Variants in SERP1 observed in about 807,000 individuals in gnomAD.
The protein encoded by SERP1 is stress-associated endoplasmic reticulum protein 1.
A neutral mutation model predicts 8.8 loss-of-function variants in SERP1; 6 were observed. The observed-to-expected ratio is 0.68, with a 90% CI of 0.37 to 1.35. The LOEUF (loss-of-function observed/expected upper bound fraction) is 1.35, where lower values mean the gene tolerates loss of function less well. Ranked by LOEUF, SERP1 falls within the 40% of genes most tolerant of loss-of-function variation. The pLI is 0.02. For synonymous variants in SERP1, 36 were observed against 28.7 expected (o/e 1.25, Z -0.81); for missense variants, 52 against 86.2 (o/e 0.60, Z 1.57).
rs1722926438 is a variant in SERP1, at chr3:150,543,862, G to C, written c.*596C>G. The C allele has an allele frequency of 6.6e-6, 1 of 152,014 alleles. No homozygotes were observed. The highest frequency in any genetic ancestry group is 1.5e-5 in the Non-Finnish European group (1 of 67,996). The allele number at this position is 152,014 out of a possible 1,614,324, so 9.4% of individuals were successfully genotyped here. A position where few individuals can be genotyped will look rare whatever the true frequency, so the allele number is the denominator to read the frequency against. ...ACAATATTGGTAAAATAGATGTTGT[G>C]GCTATAAGCATCTCCCTTTATATTA... On this transcript the variant is annotated 3_prime_UTR_variant, in exon 3 of 3. Coordinates refer to ENST00000239944, the MANE Select transcript of SERP1 (RefSeq NM_014445.4).
rs556163939 is a variant in SERP1, at chr3:150,543,321, G to C, written c.*1137C>G. 1.3e-5 allele frequency: 2 copies of C among 152,488 alleles called. No individual in the cohort carries two copies. Among genetic ancestry groups the C allele is most frequent in the South Asian group, 4.1e-4 (2 of 4,824 alleles). The allele number at this position is 152,488 out of a possible 1,614,324, so 9.4% of individuals were successfully genotyped here. ...CCCTCACCCTTACCATTAGTAAAAC[G>C]TAAATTTGATCAATCATAACCTATA... On this transcript the variant is annotated 3_prime_UTR_variant, in exon 3 of 3. Transcript: ENST00000239944.
In SERP1 at chr3:150,545,804, C is replaced by G. The variant is rs747527747; in HGVS notation, c.85-26G>C. The G allele has an allele frequency of 6.3e-6, 10 of 1,588,806 alleles. No individual in the cohort carries two copies. The Admixed American group carries it at 1.8e-4, about 28-fold the overall frequency. On this transcript the variant is annotated intron_variant, in intron 1 of 2. Transcript: ENST00000239944. ...CTGCAAAAGCGAAAATCCACCATTTCAGATGCAGAGAAACCACTCGGACCC... is the reference window on the plus strand; with the variant it reads ...CTGCAAAAGCGAAAATCCACCATTTGAGATGCAGAGAAACCACTCGGACCC...
rs1722889499 is a variant in SERP1 at position 150,542,204 on chromosome 3, C to T, written c.*2254G>A. The T allele has an allele frequency of 6.6e-6, 1 of 152,200 alleles. No individual in the cohort carries two copies. The highest frequency in any genetic ancestry group is 6.5e-5 in the Admixed American group (1 of 15,284). The allele number at this position is 152,200 out of a possible 1,614,324, so 9.4% of individuals were successfully genotyped here. ...AATGTTGACAACCCCAATATTTATT[C>T]TCATACTGTGCTCAACATTAGATGA... On this transcript the variant is annotated 3_prime_UTR_variant, in exon 3 of 3. Coordinates refer to ENST00000239944, the MANE Select transcript of SERP1 (RefSeq NM_014445.4).
Position 150,546,145 on chromosome 3 carries a change from G to A in SERP1, c.-10C>T, listed in dbSNP as rs755050767. The A allele has an allele frequency of 3.1e-6, 5 of 1,612,092 alleles. No individual in the cohort carries two copies. Among genetic ancestry groups the A allele is most frequent in the African/African-American group, 1.3e-5 (1 of 74,920 alleles). ...TTTGCTTGGCGACCATCTTCGCGGC[G>A]CCACCACCTGCCCCGGCCACCCCTC... On this transcript the variant is annotated 5_prime_UTR_variant, in exon 1 of 3. Transcript: ENST00000239944.
Position 150,546,381 on chromosome 3 carries a change from G to A in SERP1, c.-246C>T. ...GTGCGCAGGAGGAAGAGAACTGGCC[G>A]CCGGGTCGTTCTCGCGCCGCCGTCG... On this transcript the variant is annotated 5_prime_UTR_variant, in exon 1 of 3. Coordinates refer to ENST00000239944, the MANE Select transcript of SERP1 (RefSeq NM_014445.4). 1.8e-6 allele frequency: 1 copy of A among 564,320 alleles called. No homozygotes were observed. The highest frequency in any genetic ancestry group is 3.1e-6 in the Non-Finnish European group (1 of 323,582). 35.0% of individuals were successfully genotyped at this position (564,320 alleles called of 1,614,324 possible).
In SERP1 at chr3:150,543,147, T is replaced by C. The variant is rs963937159; in HGVS notation, c.*1311A>G. On this transcript the variant is annotated 3_prime_UTR_variant, in exon 3 of 3. Coordinates refer to ENST00000239944, the MANE Select transcript of SERP1 (RefSeq NM_014445.4). ...TTTAAAAGAAATATCCTGAGGCAAT[T>C]AACAAAGCAAACACAAGCAGCTTTC... 1 of 152,590 alleles carries C rather than the reference T, an allele frequency of 6.6e-6. No homozygotes were observed. Among genetic ancestry groups the C allele is most frequent in the South Asian group, 2.1e-4 (1 of 4,832 alleles). 9.5% of individuals were successfully genotyped at this position (152,590 alleles called of 1,614,324 possible).
In SERP1 at chr3:150,544,086, G is replaced by T; in HGVS notation, c.*372C>A. On this transcript the variant is annotated 3_prime_UTR_variant, in exon 3 of 3. Coordinates refer to ENST00000239944, the MANE Select transcript of SERP1 (RefSeq NM_014445.4). The stretch of plus-strand genomic sequence containing the variant: ...CTTCAAATTGTAATTTAAGCTAACT[G>T]CAGTTATACATTTGGGTTAACAAAA... 1 of 187,288 alleles carries T rather than the reference G, an allele frequency of 5.3e-6. No individual in the cohort carries two copies. The highest frequency in any genetic ancestry group is 1.1e-5 in the Non-Finnish European group (1 of 90,742). The allele number at this position is 187,288 out of a possible 1,614,324, so 11.6% of individuals were successfully genotyped here.
At chr3:150,545,869 C>T (rs149995172) in intron 1 of SERP1, 91 bp from the exon 2 acceptor site, 2 of 1,401,918 alleles carry the variant, frequency 1.4e-6, no homozygotes, top group Non-Finnish European at 2.0e-6. Flanking sequence ...GGCCCCCTCA[C>T]CTCACAGGTC....
chr3:150,545,644 G>A (rs779056386), intron 2 of SERP1, 59 bp downstream of exon 2: 21 of 1,519,886 alleles, frequency 1.4e-5, no homozygotes, highest in South Asian at 1.3e-4. Flanking sequence ...CGGTCACCAC[G>A]TCATCCCAAA....
chr3:150,546,264 G>A lies in SERP1; in HGVS notation c.-129C>T. The A allele has an allele frequency of 1.9e-5, 19 of 1,019,130 alleles. No homozygotes were observed. Among genetic ancestry groups the A allele is most frequent in the South Asian group, 7.6e-5 (5 of 65,954 alleles). 63.1% of individuals were successfully genotyped at this position (1,019,130 alleles called of 1,614,324 possible). ...GAGCGCCGAGGTTCTCAGGCCAGAC[G>A]CTAGCTACGGCCGCTGGGCCTGGGC... is the stretch of plus-strand genomic sequence containing the variant. On this transcript the variant is annotated 5_prime_UTR_variant, in exon 1 of 3. Transcript: ENST00000239944.
chr3:150,545,636 G>A lies in SERP1; in HGVS notation c.160+67C>T, dbSNP rs527692747. On this transcript the variant is annotated intron_variant, in intron 2 of 2. Transcript: ENST00000239944. ...CGCAGGTAGGACTCACTACTGACCG[G>A]TCACCACGTCATCCCAAATCCTTTC... 4 of 1,478,198 alleles carry A rather than the reference G, an allele frequency of 2.7e-6. No homozygotes were observed. The South Asian group carries it at 3.6e-5, about 13-fold the overall frequency. 91.6% of individuals were successfully genotyped at this position (1,478,198 alleles called of 1,614,324 possible).
chr3:150,546,012 C>T (rs1167138695), intron 1 of SERP1, 40 bp downstream of exon 1: 1 of 1,610,722 alleles, frequency 6.2e-7, no homozygotes, highest in Non-Finnish European at 8.5e-7. Flanking sequence ...GGACTCAGCT[C>T]CGGCTGCGGA....
chr3:150,544,573 G>A, intron 2 of SERP1, 75 bp from the exon 3 acceptor site: 1 of 1,222,932 alleles, frequency 8.2e-7, no homozygotes, highest in Non-Finnish European at 1.2e-6. Flanking sequence ...TATTTATTAA[G>A]GTAGCTGAAG....
At chr3:150,544,855 G>T (rs1008296239) in intron 2 of SERP1, among the ~76,000 whole-genome samples, 1 of 152,196 alleles carries the variant, frequency 6.6e-6, no homozygotes, top group Non-Finnish European at 1.5e-5. Flanking sequence ...TGTAACACAT[G>T]CATGTTTCCT....
In SERP1 at chr3:150,545,724, T is replaced by C. The variant is rs773930703; in HGVS notation, c.139A>G (p.Ile47Val). Residue 47 changes from isoleucine to valine, a missense_variant, in exon 2 of 3, where the codon ATT becomes GTT. Physicochemically the swap from Ile to Val is conservative, Grantham distance 29 (BLOSUM62 3). Coordinates refer to ENST00000239944, the MANE Select transcript of SERP1 (RefSeq NM_014445.4). The part of the protein sequence containing the change: ...SVGPWLLALF[I>V]FVVCGSAIFQ... ...TTACCAGAACCACAGACAACAAAAATGAAGAGAGCCAATAACCAGGGTCCT... is the reference window on the plus strand; with the variant it reads ...TTACCAGAACCACAGACAACAAAAACGAAGAGAGCCAATAACCAGGGTCCT... The C allele has an allele frequency of 2.5e-6, 4 of 1,608,630 alleles. No homozygotes were observed. Among genetic ancestry groups the C allele is most frequent in the Admixed American group, 1.7e-5 (1 of 59,274 alleles).
intron 2 of SERP1, among the ~76,000 whole-genome samples, chr3:150,544,721 T>G (rs1722941480): frequency 6.6e-6 from 1 of 152,230 alleles, no homozygotes; most frequent in Non-Finnish European, 1.5e-5. Context: ...GAACTTTATG[T>G]CTAAGTATCC....
At chr3:150,544,639 G>T in intron 2 of SERP1, 141 bp from the exon 3 acceptor site, 1 of 592,356 alleles carries the variant, frequency 1.7e-6, no homozygotes, top group Non-Finnish European at 3.0e-6. Context: ...ATAATAAGAA[G>T]TGAAGACAGG....
chr3:150,546,278 C>T lies in SERP1; in HGVS notation c.-143G>A. 1 of 891,722 alleles carries T rather than the reference C, an allele frequency of 1.1e-6. No homozygotes were observed. The highest frequency in any genetic ancestry group is 2.9e-5 in the Admixed American group (1 of 34,342). 55.2% of individuals were successfully genotyped at this position (891,722 alleles called of 1,614,324 possible). A position where few individuals can be genotyped will look rare whatever the true frequency, so the allele number is the denominator to read the frequency against. On this transcript the variant is annotated 5_prime_UTR_variant, in exon 1 of 3. Transcript: ENST00000239944. ...TCAGGCCAGACGCTAGCTACGGCCG[C>T]TGGGCCTGGGCGCCGCAAGCGCGAG...
chr3:150,545,838 C>A, intron 1 of SERP1, 60 bp from the exon 2 acceptor site: 1 of 1,503,216 alleles, frequency 6.7e-7, no homozygotes, highest in East Asian at 2.4e-5. Context: ...CCCAGGCTCC[C>A]ACGCCTGCAC....
Sources: gnomAD v4.1 joint callset for allele counts (sites outside exome capture counted in the v4.1 genomes callset) on GRCh38, gnomAD v4.1.1 for gene constraint, MANE v1.5 for transcripts, NCBI Gene and HGNC (gene_info 2026-07-23, HGNC 2026-07-21) for gene names.